The following CTNNA2 variants were observed in gnomAD, a reference collection of about 807,000 sequenced individuals.
CTNNA2 encodes the protein catenin alpha 2.
Under a neutral mutation model 101.0 loss-of-function variants are expected in CTNNA2, and 42 were observed. That is an observed-to-expected ratio of 0.42 (90% CI 0.32 to 0.54). CTNNA2 has a LOEUF of 0.54. CTNNA2 is among the 20% of genes least tolerant of loss of function. The probability of loss-of-function intolerance (pLI) is 0.14; values close to 1 mark genes in which losing one functional copy is unlikely to be tolerated. For missense variants in CTNNA2, 871 were observed against 1,223.1 expected (o/e 0.71, Z 4.29); for synonymous variants, 450 against 456.4 (o/e 0.99, Z 0.18).
chr2:79,579,829 G>C (rs1676038427), intron 1 of CTNNA2, among the ~76,000 whole-genome samples: 1 of 151,994 alleles, frequency 6.6e-6, no homozygotes, highest in African/African-American at 2.4e-5. Flanking sequence ...GGTCAGGCTG[G>C]TCTTAAACTC....
intron 7 of CTNNA2, among the ~76,000 whole-genome samples, chr2:80,144,980 G>A (rs970385783): frequency 7.2e-5 from 11 of 151,992 alleles, no homozygotes; most frequent in African/African-American, 2.7e-4. Flanking sequence ...TGTCACAACC[G>A]AAAATGCCTC....
At chr2:80,364,556 A>ATTTTTTTTTTTTTTTTTTTTTTT (rs57073635) in intron 7 of CTNNA2, among the ~76,000 whole-genome samples, 1 of 123,516 alleles carries the variant, frequency 8.1e-6, no homozygotes, top group Non-Finnish European at 1.7e-5. Context: ...AGAGAAAGTA[A>ATTTTTTTTTTTTTTTTTTTTTTT]TTTTTTTTTT....
intron 1 of CTNNA2, among the ~76,000 whole-genome samples, chr2:79,521,107 G>GATAT (rs59797728): frequency 3.0e-4 from 32 of 105,346 alleles, no homozygotes; most frequent in African/African-American, 3.9e-4. Flanking sequence ...CAAAGCTGCT[G>GATAT]ATATATATAT....
At chr2:80,576,748 A>C (rs1279737633) in intron 13 of CTNNA2, among the ~76,000 whole-genome samples, 1 of 147,118 alleles carries the variant, frequency 6.8e-6, no homozygotes, top group South Asian at 2.2e-4. Context: ...CGGGAGTTTA[A>C]GACCAGCCTG....
At chr2:79,811,550 C>CTATTTT (rs1266315520) in intron 3 of CTNNA2, among the ~76,000 whole-genome samples, 7 of 152,210 alleles carry the variant, frequency 4.6e-5, no homozygotes, top group African/African-American at 1.7e-4. Context: ...ATGTAAGGAT[C>CTATTTT]TATTTTTAGA....
Position 79,404,910 on chromosome 2 carries a change from G to C in CTNNA2, c.-135+30897G>C, listed in dbSNP as rs377151491. ...TGATTATATTTCTTTCCCTGTCTCA[G>C]AACTTTATTTTTTTAAAGAACTCTA... On this transcript the variant is annotated intron_variant, in intron 4 of 21. Transcript: ENST00000466387. 2.1e-3 allele frequency among the ~76,000 whole-genome samples: 318 copies of C among 152,112 alleles called. 1 individual carries two copies. In the Middle Eastern group the frequency reaches 0.031, roughly 15 times the overall value.
At chr2:79,568,474 G>A (rs1021763331) in intron 1 of CTNNA2, among the ~76,000 whole-genome samples, 27 of 151,858 alleles carry the variant, frequency 1.8e-4, no homozygotes, top group African/African-American at 5.8e-4. Flanking sequence ...GTGGTGGCAC[G>A]TGCCTGTAGT....
intron 13 of CTNNA2, among the ~76,000 whole-genome samples, chr2:80,577,294 G>C (rs1366308299): frequency 6.6e-6 from 1 of 152,038 alleles, no homozygotes; most frequent in Admixed American, 6.6e-5. Context: ...ATCCTAAAGG[G>C]GATAGAGCTT....
chr2:79,700,313 G>A (rs760901185), intron 2 of CTNNA2, among the ~76,000 whole-genome samples: 5 of 152,126 alleles, frequency 3.3e-5, no homozygotes, highest in Non-Finnish European at 7.4e-5. Context: ...TAAGGGAATA[G>A]TAAGGTTTGC....
At chr2:79,739,365 T>A (rs1012295087) in intron 2 of CTNNA2, among the ~76,000 whole-genome samples, 1 of 152,240 alleles carries the variant, frequency 6.6e-6, no homozygotes, top group African/African-American at 2.4e-5. Flanking sequence ...CAGCTTATGA[T>A]GTATCTTAAA....
chr2:79,683,247 C>A (rs1683708896), intron 2 of CTNNA2, among the ~76,000 whole-genome samples: 1 of 152,212 alleles, frequency 6.6e-6, no homozygotes. Context: ...GAAACAGCTT[C>A]AGAGATTAGA....
At chr2:79,264,325 A>C (rs1225688351) in intron 2 of CTNNA2, among the ~76,000 whole-genome samples, 3 of 152,150 alleles carry the variant, frequency 2.0e-5, no homozygotes, top group Non-Finnish European at 4.4e-5. Flanking sequence ...CATACATGTA[A>C]AGTACTTTAA....
chr2:79,420,441 C>A (rs1439509069), intron 4 of CTNNA2, among the ~76,000 whole-genome samples: 2 of 152,236 alleles, frequency 1.3e-5, no homozygotes, highest in Admixed American at 1.3e-4. Context: ...AAAACAACCA[C>A]ACTAGAAATG....
At chr2:80,610,503 A>G (rs1313623899) in intron 17 of CTNNA2, among the ~76,000 whole-genome samples, 1 of 151,598 alleles carries the variant, frequency 6.6e-6, no homozygotes, top group Non-Finnish European at 1.5e-5. Flanking sequence ...GAAATACTTA[A>G]ATCTTCTTTC....
chr2:79,990,662 T>C (rs1692107406), intron 7 of CTNNA2, among the ~76,000 whole-genome samples: 1 of 152,226 alleles, frequency 6.6e-6, no homozygotes, highest in African/African-American at 2.4e-5. Flanking sequence ...TATTACATTT[T>C]ATGAAAAGGA....
At chr2:79,824,887 C>A (rs1192044164) in intron 3 of CTNNA2, among the ~76,000 whole-genome samples, 2 of 152,010 alleles carry the variant, frequency 1.3e-5, no homozygotes, top group African/African-American at 2.4e-5. Flanking sequence ...TGTTTTTATA[C>A]TTTTTATTAA....
intron 7 of CTNNA2, among the ~76,000 whole-genome samples, chr2:79,956,005 A>C (rs1689199541): frequency 6.6e-6 from 1 of 152,256 alleles, no homozygotes; most frequent in Non-Finnish European, 1.5e-5. Context: ...CCAGAATAAC[A>C]GGATGTGTGC....
chr2:79,750,670 G>A (rs1477461307), intron 3 of CTNNA2, among the ~76,000 whole-genome samples: 1 of 151,988 alleles, frequency 6.6e-6, no homozygotes, highest in Non-Finnish European at 1.5e-5. Context: ...AGACCATCCT[G>A]GCTAACACAG....
At chr2:79,818,120 G>A (rs1353218618) in intron 3 of CTNNA2, among the ~76,000 whole-genome samples, 1 of 152,074 alleles carries the variant, frequency 6.6e-6, no homozygotes, top group African/African-American at 2.4e-5. Flanking sequence ...TAATGGCTGT[G>A]ATTATATAAT....
Sources: gnomAD v4.1 joint callset for allele counts (sites outside exome capture counted in the v4.1 genomes callset) on GRCh38, gnomAD v4.1.1 for gene constraint, MANE v1.5 for transcripts, NCBI Gene and HGNC (gene_info 2026-07-23, HGNC 2026-07-21) for gene names.